DCDC2: variants seen among roughly 807,000 people sequenced by gnomAD.
DCDC2 encodes doublecortin domain containing 2.
A neutral mutation model predicts 50.2 loss-of-function variants in DCDC2; 40 were observed. That is an observed-to-expected ratio of 0.80 (90% CI 0.62 to 1.04). The LOEUF (loss-of-function observed/expected upper bound fraction) is 1.04. DCDC2 is among the 50% of genes least tolerant of loss of function. The pLI, the probability that DCDC2 is intolerant of heterozygous loss-of-function variation, is 0.00. For missense variants in DCDC2, 570 were observed against 581.9 expected (o/e 0.98, Z 0.21); for synonymous variants, 234 against 210.6 (o/e 1.11, Z -0.96).
chr6:24,194,427 T>C (rs1761382021), intron 8 of DCDC2, among the ~76,000 whole-genome samples: 1 of 152,182 alleles, frequency 6.6e-6, no homozygotes, highest in Non-Finnish European at 1.5e-5. Context: ...CAAAATCAAC[T>C]ACAAATAGGA....
At chr6:24,363,840 C>G in the DCDC2 span, among the ~76,000 whole-genome samples, 332 of 152,314 alleles carry the variant, frequency 2.2e-3, 5 homozygotes, top group Non-Finnish European at 3.4e-3. Context: ...AACAGTCATC[C>G]TGAAAGGTCG....
chr6:24,331,706 T>A (rs1759968418), intron 2 of DCDC2, among the ~76,000 whole-genome samples: 1 of 152,148 alleles, frequency 6.6e-6, no homozygotes, highest in African/African-American at 2.4e-5. Flanking sequence ...AGTATACAGA[T>A]TTCTCAGACT....
chr6:24,229,249 T>C (rs1762291704), intron 7 of DCDC2, among the ~76,000 whole-genome samples: 2 of 152,208 alleles, frequency 1.3e-5, no homozygotes. Context: ...TGTGACCTTG[T>C]CTTTTCCTGT....
At chr6:24,310,911 G>C (rs893553988) in intron 2 of DCDC2, among the ~76,000 whole-genome samples, 3 of 151,960 alleles carry the variant, frequency 2.0e-5, no homozygotes, top group African/African-American at 7.3e-5. Context: ...TATTTTATCT[G>C]TCCCCTTCTT....
chr6:24,258,726 T>C (rs1182987944), intron 7 of DCDC2, among the ~76,000 whole-genome samples: 1 of 152,136 alleles, frequency 6.6e-6, no homozygotes, highest in East Asian at 1.9e-4. Flanking sequence ...GTCACACACA[T>C]AACTCTGAGC....
At chr6:24,314,672 G>A (rs9379651) in intron 2 of DCDC2, among the ~76,000 whole-genome samples, 15,813 of 152,042 alleles carry the variant, frequency 0.1, 1,124 homozygotes, top group East Asian at 0.34. Context: ...GACTAGATCA[G>A]CTAGGTTTTT....
At chr6:24,383,234 G>A in the DCDC2 span, among the ~76,000 whole-genome samples, 1 of 151,668 alleles carries the variant, frequency 6.6e-6, no homozygotes, top group Non-Finnish European at 1.5e-5. Context: ...GCTAAGGCAG[G>A]AGAATTGCTT....
chr6:24,358,751 T>TTATA (rs10634202), upstream of DCDC2, among the ~76,000 whole-genome samples: 86,901 of 88,168 alleles, frequency 0.99, 42,863 homozygotes, highest in Middle Eastern at 1. Flanking sequence ...TTTTATTTAT[T>TTATA]TATTTATATA....
Position 24,301,834 on chromosome 6 carries a change from A to C in DCDC2, c.438T>G (p.Asn146Lys). The C allele has an allele frequency of 6.2e-7, 1 of 1,614,178 alleles. No homozygotes were observed. Among genetic ancestry groups the C allele is most frequent in the South Asian group, 1.1e-5 (1 of 91,090 alleles). ...QEPCTIFLIA[N>K]GDLINPASRL... The stretch of plus-strand genomic sequence containing the variant: ...GAGAAGCTGGGTTTATGAGGTCTCC[A>C]TTTGCAATCAAGCTGGAAAACAGGG... The change falls in exon 4 of 10, where the codon AAT (asparagine) becomes AAG (lysine). Residue 146 changes from asparagine to lysine, a missense_variant. Asn to Lys is a moderately conservative substitution (Grantham distance 94). Transcript: ENST00000378454.
chr6:24,231,659 G>A (rs1762338874), intron 7 of DCDC2, among the ~76,000 whole-genome samples: 1 of 151,578 alleles, frequency 6.6e-6, no homozygotes, highest in Admixed American at 6.6e-5. Flanking sequence ...TCACTCAAAG[G>A]GAAAATGGTG....
intron 7 of DCDC2, among the ~76,000 whole-genome samples, chr6:24,249,078 T>C (rs903695477): frequency 6.6e-6 from 1 of 152,200 alleles, no homozygotes; most frequent in Non-Finnish European, 1.5e-5. Context: ...ATTTCTGTTA[T>C]TCTTATTTAA....
intron 7 of DCDC2, among the ~76,000 whole-genome samples, chr6:24,257,103 GAT>G (rs779385077): frequency 2.6e-5 from 4 of 152,068 alleles, no homozygotes; most frequent in South Asian, 2.1e-4. Flanking sequence ...TGCTTACACA[GAT>G]ATATATCTAC....
At chr6:24,314,575 C>T (rs1488043269) in intron 2 of DCDC2, among the ~76,000 whole-genome samples, 1 of 152,034 alleles carries the variant, frequency 6.6e-6, no homozygotes, top group Non-Finnish European at 1.5e-5. Flanking sequence ...GCAATAGGAA[C>T]CTCCAAAATG....
At chr6:24,289,069 TC>T (rs1370625178) in intron 5 of DCDC2, among the ~76,000 whole-genome samples, 163 bp from the exon 6 acceptor site, 1 of 152,356 alleles carries the variant, frequency 6.6e-6, no homozygotes, top group East Asian at 1.9e-4. Context: ...TTCACAAAGA[TC>T]ATAACATTTC....
intron 7 of DCDC2, among the ~76,000 whole-genome samples, chr6:24,221,845 C>G (rs565290791): frequency 5.9e-5 from 9 of 152,188 alleles, no homozygotes; most frequent in African/African-American, 2.2e-4. Context: ...TTACACCCAT[C>G]GTTATCTACA....
upstream of DCDC2, among the ~76,000 whole-genome samples, chr6:24,359,067 A>T (rs1221796699): frequency 4.4e-4 from 20 of 45,806 alleles, no homozygotes; most frequent in East Asian, 0.011. Context: ...TATCATATAT[A>T]TTATATATCA....
At chr6:24,204,095 T>C (rs1398645338) in intron 8 of DCDC2, among the ~76,000 whole-genome samples, 2 of 152,122 alleles carry the variant, frequency 1.3e-5, no homozygotes, top group East Asian at 3.8e-4. Context: ...CTCAAGGATC[T>C]AGAGCCAGAA....
At chr6:24,212,928 C>T (rs1328078450) in intron 7 of DCDC2, among the ~76,000 whole-genome samples, 1 of 152,130 alleles carries the variant, frequency 6.6e-6, no homozygotes, top group Non-Finnish European at 1.5e-5. Context: ...GAAATAAATG[C>T]TTTGTGTGTT....
upstream of DCDC2, among the ~76,000 whole-genome samples, chr6:24,360,750 C>T (rs1192509684): frequency 2.5e-4 from 1 of 3,924 alleles, no homozygotes; most frequent in East Asian, 0.05. Flanking sequence ...TCATCATGTA[C>T]GAATAAAAAG....
Sources: allele counts gnomAD v4.1 joint callset (sites outside exome capture counted in the v4.1 genomes callset), GRCh38; gene constraint gnomAD v4.1.1; transcripts MANE v1.5; gene names NCBI Gene and HGNC (gene_info 2026-07-23, HGNC 2026-07-21).